Variants in CHD5 observed in about 807,000 individuals in gnomAD.
CHD5 encodes the protein chromodomain helicase DNA binding protein 5, also known as ATP-dependent chromatin remodeler CHD5.
CHD5 carries 69 observed loss-of-function variants against 230.3 expected under a neutral mutation model. The ratio of observed to expected loss-of-function variants is 0.30; its 90% CI spans 0.25 to 0.37. The LOEUF is 0.37. Ranked by LOEUF, CHD5 falls within the 10% of genes least tolerant of loss-of-function variation. The probability of loss-of-function intolerance (pLI) is 1.00; values close to 1 mark genes in which losing one functional copy is unlikely to be tolerated. For missense variants in CHD5, 1,827 were observed against 2,622.8 expected (o/e 0.70, Z 6.63); for synonymous variants, 1,064 against 1,065.9 (o/e 1.00, Z 0.03).
chr1:6,164,734 G>A (rs974551137), intron 2 of CHD5, among the ~76,000 whole-genome samples: 3 of 152,210 alleles, frequency 2.0e-5, no homozygotes, highest in African/African-American at 4.8e-5. Context: ...CTGACAGCTG[G>A]CCCGAGCCAG....
chr1:6,119,104 T>C (rs1014033980), intron 33 of CHD5, among the ~76,000 whole-genome samples: 7 of 151,338 alleles, frequency 4.6e-5, no homozygotes, highest in Admixed American at 1.3e-4. Context: ...GTAACAAATA[T>C]ATACTAAACA....
rs572451315 is a variant in CHD5 at position 6,147,843 on chromosome 1, A to AGAG, written c.1384-975_1384-973dup. ...TTGGTGACAGCAAAGGCCGAGAGGC[A>AGAG]GAGGAGGAGGAGGAGGACATGGGAG... On this transcript the variant is annotated intron_variant, in intron 9 of 41. Transcript: ENST00000262450. 3.7e-3 allele frequency among the ~76,000 whole-genome samples: 561 copies of AGAG among 152,112 alleles called. 1 individual carries two copies. Among genetic ancestry groups the AGAG allele is most frequent in the Middle Eastern group, 6.8e-3 (2 of 294 alleles).
At position 6,142,307 on chromosome 1, in the gene CHD5, G is replaced by A. The variant is rs1178072260; in HGVS notation, c.2257C>T (p.Leu753=). Residue 753 remains leucine, a synonymous_variant, in exon 15 of 42, where the codon CTG becomes TTG. Coordinates refer to ENST00000262450, the MANE Select transcript of CHD5 (RefSeq NM_015557.3). This position sits in a 1 kb window ranked among gnomAD's most constrained non-coding sequence, Gnocchi z 5.2. ...ATGGTGGAGAGGGGCGCGCTAACCA[G>A]GTAGGGCCCTTTGGAGTGGCCCTGG... ...YKEGHSKGPY[L]VSAPLSTIIN... is the part of the protein sequence containing the mutation. 1.9e-6 allele frequency: 3 copies of A among 1,610,056 alleles called. No individual in the cohort carries two copies. In the African/African-American group the frequency reaches 4.0e-5, roughly 22 times the overall value.
At chr1:6,172,331 T>C (rs973737880) in intron 1 of CHD5, among the ~76,000 whole-genome samples, 1 of 142,538 alleles carries the variant, frequency 7.0e-6, no homozygotes, top group Non-Finnish European at 1.5e-5. Flanking sequence ...GTTTGGGGCT[T>C]TATTTATTTA....
chr1:6,149,088 G>A lies in CHD5; in HGVS notation c.1162-13C>T. 1 of 1,494,842 alleles carries A rather than the reference G, an allele frequency of 6.7e-7. No individual in the cohort carries two copies. Among genetic ancestry groups the A allele is most frequent in the Non-Finnish European group, 8.9e-7 (1 of 1,118,936 alleles). The allele number at this position is 1,494,842 out of a possible 1,614,324, so 92.6% of individuals were successfully genotyped here. On this transcript the variant is annotated splice_polypyrimidine_tract_variant and intron_variant, in intron 8 of 41. Transcript: ENST00000262450. ...TCCCCTCCTTCTCCTGGGGGAGGAGGCCAGGTGGAGGCACCCTGGGCGGGG... is the reference window on the plus strand; with the variant it reads ...TCCCCTCCTTCTCCTGGGGGAGGAGACCAGGTGGAGGCACCCTGGGCGGGG...
In CHD5 at chr1:6,168,226, G is replaced by A. The variant is rs552385891; in HGVS notation, c.131C>T (p.Pro44Leu). Residue 44 changes from proline to leucine, a missense_variant, in exon 2 of 42, where the codon CCC becomes CTC. Around this residue, in one of 14 missense-constraint regions of CHD5, gnomAD observed 113 missense variants for 91.9 expected, o/e 1.23. Transcript: ENST00000262450. ...TTTCTTCTTCTTAGGAAGGCTCACG[G>A]GCTCCACAGGGAAAAAGTCATCGAA... ...EAFDDFFPVE[P>L]VSLPKKKKPK... 1.9e-6 allele frequency: 3 copies of A among 1,611,586 alleles called. No homozygotes were observed. Among genetic ancestry groups the A allele is most frequent in the Middle Eastern group, 1.7e-4 (1 of 6,040 alleles).
Position 6,142,572 on chromosome 1 carries a change from T to C in CHD5, c.2077A>G (p.Ile693Val), listed in dbSNP as rs760839265. The change falls in exon 14 of 42, where the codon ATC (isoleucine) becomes GTC (valine). Residue 693 changes from isoleucine (I) to valine (V), a missense_variant. By Grantham distance (29) the Ile-to-Val change is conservative (BLOSUM62 3). Coordinates refer to ENST00000262450, the MANE Select transcript of CHD5 (RefSeq NM_015557.3). This position sits in a 1 kb window ranked among gnomAD's most constrained non-coding sequence, Gnocchi z 5.2. ...TVKFDKQPWY[I>V]DSTGGTLHPY... ...TGCAGTGTGCCGCCTGTGGAGTCGA[T>C]GTACCATGGCTGCTTGTCGAACTTG... 3.1e-6 allele frequency: 5 copies of C among 1,613,652 alleles called. No homozygotes were observed. The highest frequency in any genetic ancestry group is 4.2e-6 in the Non-Finnish European group (5 of 1,179,954).
intron 1 of CHD5, among the ~76,000 whole-genome samples, chr1:6,177,329 G>A (rs543777253): frequency 1.3e-5 from 2 of 152,318 alleles, no homozygotes; most frequent in African/African-American, 4.8e-5. Flanking sequence ...CAGGAGGCCT[G>A]GCTAGGGCTG....
At chr1:6,165,650 G>T (rs1226342845) in intron 2 of CHD5, among the ~76,000 whole-genome samples, 1 of 151,714 alleles carries the variant, frequency 6.6e-6, no homozygotes, top group Non-Finnish European at 1.5e-5. Flanking sequence ...TTCATCCCAG[G>T]GCCTTGCAGC....
intron 2 of CHD5, among the ~76,000 whole-genome samples, chr1:6,162,530 C>T (rs1207186552): frequency 2.0e-5 from 3 of 152,144 alleles, no homozygotes; most frequent in African/African-American, 4.8e-5. Flanking sequence ...AGGGCTGGGC[C>T]GCCTTGCTGT....
At chr1:6,152,322 A>C in intron 6 of CHD5, 90 bp downstream of exon 6, 1 of 1,467,324 alleles carries the variant, frequency 6.8e-7, no homozygotes, top group Non-Finnish European at 9.3e-7. Context: ...TTTGTAATGA[A>C]CTGAAGGCCC....
At chr1:6,127,946 G>T in intron 25 of CHD5, 100 bp downstream of exon 25, 1 of 1,070,918 alleles carries the variant, frequency 9.3e-7, no homozygotes, top group Non-Finnish European at 1.3e-6. Flanking sequence ...GCTGGCTGCG[G>T]CGGGAGGGCG....
chr1:6,112,305 T>C, intron 34 of CHD5, 28 bp from the exon 35 acceptor site: 4 of 1,606,670 alleles, frequency 2.5e-6, no homozygotes, highest in Non-Finnish European at 1.7e-6. Flanking sequence ...CATTCATTCA[T>C]CCATCCATCC....
chr1:6,143,568 A>G (rs1238415257), intron 13 of CHD5, among the ~76,000 whole-genome samples: 1 of 152,162 alleles, frequency 6.6e-6, no homozygotes, highest in Non-Finnish European at 1.5e-5. Flanking sequence ...GCGCTAGTGG[A>G]CACCCAGGGA....
intron 2 of CHD5, among the ~76,000 whole-genome samples, chr1:6,162,257 A>G (rs1667190293): frequency 1.3e-5 from 2 of 152,028 alleles, no homozygotes; most frequent in South Asian, 4.1e-4. Context: ...ATGGTGGTAC[A>G]TGCCTGCAAT....
In CHD5 at chr1:6,111,824, C is replaced by T. The variant is rs1406342900; in HGVS notation, c.5200G>A (p.Asp1734Asn). ...RAAVSSGKIY[D>N]IWHRRHDYWL... The stretch of plus-strand genomic sequence containing the variant: ...TAGTCATGGCGCCGGTGCCAGATGT[C>T]GTAGATTTTCCCAGAGGATACAGCA... Residue 1734 changes from aspartate (D) to asparagine (N), a missense_variant, in exon 36 of 42, where the codon GAC becomes AAC. Transcript: ENST00000262450. The T allele has an allele frequency of 6.2e-7, 1 of 1,613,402 alleles. No homozygotes were observed. Among genetic ancestry groups the T allele is most frequent in the Non-Finnish European group, 8.5e-7 (1 of 1,180,030 alleles).
At chr1:6,147,405 C>A (rs903776304) in intron 9 of CHD5, among the ~76,000 whole-genome samples, 1 of 152,230 alleles carries the variant, frequency 6.6e-6, no homozygotes, top group Non-Finnish European at 1.5e-5. Flanking sequence ...TGCGTCTAGG[C>A]TGGGACAATG....
Position 6,121,843 on chromosome 1 carries a change from A to T in CHD5, c.4700-270T>A, listed in dbSNP as rs1186620242. ...GGGCCGCACACAGCCGTGGCTGCTCATCTGGAGGCAGGGAAGTGAGGCAGA... is the reference window on the plus strand; with the variant it reads ...GGGCCGCACACAGCCGTGGCTGCTCTTCTGGAGGCAGGGAAGTGAGGCAGA... On this transcript the variant is annotated intron_variant, in intron 31 of 41. Coordinates refer to ENST00000262450, the MANE Select transcript of CHD5 (RefSeq NM_015557.3). The surrounding 1 kb of genome is among the most constrained non-coding windows in gnomAD (Gnocchi z 4.5). Among the ~76,000 whole-genome samples, 1 of 152,186 alleles carries T rather than the reference A, an allele frequency of 6.6e-6. No individual in the cohort carries two copies. Among genetic ancestry groups the T allele is most frequent in the Non-Finnish European group, 1.5e-5 (1 of 68,030 alleles).
chr1:6,174,743 G>A (rs1368202482), intron 1 of CHD5, among the ~76,000 whole-genome samples: 2 of 151,572 alleles, frequency 1.3e-5, no homozygotes, highest in African/African-American at 4.9e-5. Flanking sequence ...GTGGATAGAT[G>A]GTGAATTGAT....
Sources: allele counts gnomAD v4.1 joint callset (sites outside exome capture counted in the v4.1 genomes callset), GRCh38; gene constraint gnomAD v4.1.1; regional missense constraint gnomAD v4.1.1; non-coding constraint Gnocchi (gnomAD v3.1); transcripts MANE v1.5; gene names NCBI Gene and HGNC (gene_info 2026-07-23, HGNC 2026-07-21).